Variants in PALLD observed in about 807,000 individuals in gnomAD.
The protein encoded by PALLD is palladin, cytoskeletal associated protein, also known as palladin.
A neutral mutation model predicts 123.5 loss-of-function variants in PALLD; 61 were observed. That is an observed-to-expected ratio of 0.49 (90% CI 0.40 to 0.61). The LOEUF is 0.61. PALLD is among the 20% of genes least tolerant of loss of function. The probability of loss-of-function intolerance (pLI) is 0.00; values close to 1 mark genes in which losing one functional copy is unlikely to be tolerated. For synonymous variants in PALLD, 465 were observed against 496.4 expected (o/e 0.94, Z 0.84); for missense variants, 1,273 against 1,377.0 (o/e 0.92, Z 1.20).
intron 2 of PALLD, among the ~76,000 whole-genome samples, chr4:168,523,293 G>A (rs1395526585): frequency 1.3e-5 from 2 of 151,534 alleles, no homozygotes; most frequent in Non-Finnish European, 2.9e-5. Context: ...AGGGAGGAAG[G>A]AGGGAGGCAG....
intron 10 of PALLD, among the ~76,000 whole-genome samples, chr4:168,803,029 T>G (rs1739581547): frequency 6.6e-6 from 1 of 152,216 alleles, no homozygotes; most frequent in Admixed American, 6.5e-5. Context: ...CAAACAATAA[T>G]AGGTGAATAG....
chr4:168,636,543 T>C (rs760929462), intron 2 of PALLD, among the ~76,000 whole-genome samples: 20 of 152,108 alleles, frequency 1.3e-4, no homozygotes, highest in Non-Finnish European at 2.6e-4. Flanking sequence ...CTGTCCACCA[T>C]AGCAAGCAGC....
chr4:168,626,140 C>T (rs370212330), intron 2 of PALLD, among the ~76,000 whole-genome samples: 3 of 151,828 alleles, frequency 2.0e-5, no homozygotes, highest in South Asian at 2.1e-4. Flanking sequence ...GTGGCGGGCA[C>T]CTGTAATCCC....
chr4:168,534,674 A>G (rs746079334), intron 2 of PALLD, among the ~76,000 whole-genome samples: 10 of 152,224 alleles, frequency 6.6e-5, no homozygotes, highest in Non-Finnish European at 4.4e-5. Flanking sequence ...ATATTGTAAT[A>G]GCACATGTCT....
intron 10 of PALLD, among the ~76,000 whole-genome samples, chr4:168,797,856 C>T (rs1171481259): frequency 2.0e-5 from 3 of 151,522 alleles, no homozygotes; most frequent in Admixed American, 6.6e-5. Context: ...CAGCTGCTCG[C>T]TTGCTCGTTA....
At chr4:168,727,098 T>A (rs1226391128) in intron 10 of PALLD, among the ~76,000 whole-genome samples, 2 of 152,258 alleles carry the variant, frequency 1.3e-5, no homozygotes, top group Non-Finnish European at 2.9e-5. Context: ...GATGTATATG[T>A]ACCACATTGT....
chr4:168,852,880 G>A (rs557302466), intron 10 of PALLD, among the ~76,000 whole-genome samples: 5 of 152,244 alleles, frequency 3.3e-5, no homozygotes, highest in African/African-American at 1.2e-4. Context: ...AATATTTTAT[G>A]TATCACAGAT....
At chr4:168,543,926 G>C (rs1765889396) in intron 2 of PALLD, among the ~76,000 whole-genome samples, 1 of 152,138 alleles carries the variant, frequency 6.6e-6, no homozygotes, top group Non-Finnish European at 1.5e-5. Context: ...AATGAATTTG[G>C]TGTATTTGTG....
intron 2 of PALLD, among the ~76,000 whole-genome samples, chr4:168,566,061 A>G (rs866715690): frequency 2.0e-5 from 3 of 152,190 alleles, no homozygotes; most frequent in Admixed American, 6.5e-5. Flanking sequence ...CAGGTCAGAG[A>G]TAACATAGGA....
Position 168,625,502 on chromosome 4 carries a change from G to GATAGATAGATAGATAGATAGATAT in PALLD, c.909-42685_909-42684insGATAGATAGATAGATAGATATATA. On this transcript the variant is annotated intron_variant, in intron 2 of 21. Transcript: ENST00000505667. Reference sequence around the variant, plus strand: ...TCCAATAAGGGATTAATATCCAGGAGATATATATATATATATCCTATAAGG... The same window carrying GATAGATAGATAGATAGATAGATAT: ...TCCAATAAGGGATTAATATCCAGGAGATAGATAGATAGATAGATAGATATATATATATATATATATCCTATAAGG... 1.1e-4 allele frequency among the ~76,000 whole-genome samples: 13 copies of GATAGATAGATAGATAGATAGATAT among 114,472 alleles called. 1 individual carries two copies. The South Asian group carries it at 1.3e-3, about 12-fold the overall frequency. The allele number at this position is 114,472 out of a possible 152,430, so 75.1% of individuals were successfully genotyped here.
At chr4:168,519,666 T>C (rs35217423) in intron 2 of PALLD, among the ~76,000 whole-genome samples, 27,653 of 132,222 alleles carry the variant, frequency 0.21, 3,013 homozygotes, top group East Asian at 0.45. Flanking sequence ...AAGGAAAAAG[T>C]CTGCATTAGG....
intron 10 of PALLD, among the ~76,000 whole-genome samples, chr4:168,768,420 C>T (rs1050792970): frequency 1.3e-5 from 2 of 151,880 alleles, no homozygotes; most frequent in African/African-American, 2.4e-5. Flanking sequence ...GATGATCAGA[C>T]GGTGGAATAA....
intron 2 of PALLD, among the ~76,000 whole-genome samples, chr4:168,521,783 G>C (rs1307614152): frequency 6.6e-6 from 1 of 152,190 alleles, no homozygotes. Flanking sequence ...TATTTGTTGA[G>C]TCCTAGATTT....
chr4:168,506,587 C>T (rs1182792095), intron 1 of PALLD, among the ~76,000 whole-genome samples: 1 of 152,102 alleles, frequency 6.6e-6, no homozygotes, highest in Non-Finnish European at 1.5e-5. Flanking sequence ...TTCAGCTTCT[C>T]CCTTCTTACT....
intron 10 of PALLD, among the ~76,000 whole-genome samples, chr4:168,867,987 C>A (rs546441848): frequency 6.6e-6 from 1 of 151,530 alleles, no homozygotes; most frequent in Admixed American, 6.6e-5. Context: ...AATAGTATTC[C>A]AATTTTAACT....
At chr4:168,887,872 C>T (rs775603706) in intron 10 of PALLD, among the ~76,000 whole-genome samples, 1 of 152,104 alleles carries the variant, frequency 6.6e-6, no homozygotes, top group Non-Finnish European at 1.5e-5. Flanking sequence ...TACATCCATT[C>T]ACTCATTTCA....
At chr4:168,522,756 A>G (rs1554035123) in intron 2 of PALLD, among the ~76,000 whole-genome samples, 4 of 152,236 alleles carry the variant, frequency 2.6e-5, no homozygotes. Context: ...TGAATGATAT[A>G]TAACAATAGA....
At chr4:168,523,054 A>C (rs1763706251) in intron 2 of PALLD, among the ~76,000 whole-genome samples, 1 of 152,174 alleles carries the variant, frequency 6.6e-6, no homozygotes, top group African/African-American at 2.4e-5. Context: ...GTTGTGGTCC[A>C]AAAAATGTAA....
At chr4:168,848,150 T>TCCCCCCCCC (rs1560788333) in intron 10 of PALLD, among the ~76,000 whole-genome samples, 1 of 113,156 alleles carries the variant, frequency 8.8e-6, no homozygotes, top group Non-Finnish European at 1.8e-5. Flanking sequence ...CCTACCCCCG[T>TCCCCCCCCC]CCCACCCCAC....
Sources: allele counts gnomAD v4.1 joint callset (sites outside exome capture counted in the v4.1 genomes callset), GRCh38; gene constraint gnomAD v4.1.1; transcripts MANE v1.5; gene names NCBI Gene and HGNC (gene_info 2026-07-23, HGNC 2026-07-21).